The following MAS1 variants were observed in gnomAD, a reference collection of about 807,000 sequenced individuals.
The protein encoded by MAS1 is MAS1 proto-oncogene, G protein-coupled receptor, also known as proto-oncogene Mas.
For synonymous variants in MAS1, 163 were observed against 164.2 expected (o/e 0.99, Z 0.05); for missense variants, 387 against 409.7 (o/e 0.94, Z 0.48).
chr6:159,909,675 C>T lies in MAS1; in HGVS notation c.*1742C>T, dbSNP rs1318577423. 6.6e-6 allele frequency: 1 copy of T among 152,194 alleles called. No homozygotes were observed. The highest frequency in any genetic ancestry group is 2.4e-5 in the African/African-American group (1 of 41,440). 9.4% of individuals were successfully genotyped at this position (152,194 alleles called of 1,614,324 possible). On this transcript the variant is annotated 3_prime_UTR_variant, in exon 3 of 3. Coordinates refer to ENST00000674077, the MANE Select transcript of MAS1 (RefSeq NM_002377.4). ...AGAGCAACTCCCCTCTGTTTCCTGT[C>T]CTCTCCTGTGTGTGCTGTGTGCTGG... is the stretch of plus-strand genomic sequence containing the variant.
chr6:159,895,927 A>T (rs1274926147), intron 1 of MAS1, among the ~76,000 whole-genome samples: 1 of 152,246 alleles, frequency 6.6e-6, no homozygotes, highest in Admixed American at 6.5e-5. Flanking sequence ...TTGCATCCAT[A>T]TGAATTCATT....
Position 159,917,372 on chromosome 6 carries a change from A to G in MAS1, c.*9439A>G, listed in dbSNP as rs767162140. On this transcript the variant is annotated 3_prime_UTR_variant, in exon 3 of 3. Coordinates refer to ENST00000674077, the MANE Select transcript of MAS1 (RefSeq NM_002377.4). Reference sequence around the variant, plus strand: ...AGGGACCATTTTGTTCACTTGTATCAAACTATATTCTCTGGATTCAGAGGG... The same window carrying G: ...AGGGACCATTTTGTTCACTTGTATCGAACTATATTCTCTGGATTCAGAGGG... Among the ~76,000 whole-genome samples the G allele has an allele frequency of 1.7e-4, 26 of 152,238 alleles. No homozygotes were observed. The highest frequency in any genetic ancestry group is 3.8e-4 in the Non-Finnish European group (26 of 68,048).
rs1241840715 is a variant in MAS1, at chr6:159,908,217, G to A, written c.*284G>A. On this transcript the variant is annotated 3_prime_UTR_variant, in exon 3 of 3. Transcript: ENST00000674077. ...TGCAGGAAGATTTACAGATGTGTAC[G>A]GGACAAGGTAACAAAACTATTTGTT... is the stretch of plus-strand genomic sequence containing the variant. 1.6e-5 allele frequency: 4 copies of A among 248,356 alleles called. No individual in the cohort carries two copies. Among genetic ancestry groups the A allele is most frequent in the Admixed American group, 5.4e-5 (1 of 18,352 alleles). The allele number at this position is 248,356 out of a possible 1,614,324, so 15.4% of individuals were successfully genotyped here.
intron 2 of MAS1, among the ~76,000 whole-genome samples, chr6:159,902,667 C>T (rs1782836009): frequency 6.6e-6 from 1 of 152,132 alleles, no homozygotes; most frequent in South Asian, 2.1e-4. Context: ...GTCACCCCTA[C>T]CTTTTGTGTA....
At position 159,907,716 on chromosome 6, in the gene MAS1, ATT is replaced by A. The variant is rs1239962790; in HGVS notation, c.762_763del (p.Tyr254Ter). ...CTCCTTTACCTGCTGTACTATGAGT[ATT>A]GGTCGACCTTTGGGAACCTACACCA... On this transcript the variant is annotated stop_gained and frameshift_variant, in exon 3 of 3. Transcript: ENST00000674077. LOFTEE classifies it low-confidence loss of function (END_TRUNC). 6.2e-7 allele frequency: 1 copy of A among 1,613,442 alleles called. No homozygotes were observed. The highest frequency in any genetic ancestry group is 8.5e-7 in the Non-Finnish European group (1 of 1,179,828).
intron 2 of MAS1, among the ~76,000 whole-genome samples, chr6:159,903,168 A>C (rs538985928): frequency 3.5e-4 from 53 of 152,044 alleles, no homozygotes; most frequent in African/African-American, 1.3e-3. Flanking sequence ...TCCGATATGT[A>C]GCTCCTATTT....
chr6:159,910,921 A>G lies in MAS1; in HGVS notation c.*2988A>G, dbSNP rs912662524. ...AAATCTGATGGGCTGTTTTCTACCT[A>G]TGCCTTTTGTGGCATTTAATACCCA... On this transcript the variant is annotated 3_prime_UTR_variant, in exon 3 of 3. Transcript: ENST00000674077. 3 of 152,164 alleles carry G rather than the reference A, an allele frequency of 2.0e-5. No individual in the cohort carries two copies. Among genetic ancestry groups the G allele is most frequent in the African/African-American group, 7.2e-5 (3 of 41,446 alleles). The allele number at this position is 152,164 out of a possible 1,614,324, so 9.4% of individuals were successfully genotyped here. A position where few individuals can be genotyped will look rare whatever the true frequency, so the allele number is the denominator to read the frequency against.
At position 159,909,960 on chromosome 6, in the gene MAS1, T is replaced by G. The variant is rs1433250269; in HGVS notation, c.*2027T>G. On this transcript the variant is annotated 3_prime_UTR_variant, in exon 3 of 3. Transcript: ENST00000674077. ...GGTAGGATTCAGAGTTTGGCAGGGTTATAAAGACTAATTTCTTTCTGTCTT... is the reference window on the plus strand; with the variant it reads ...GGTAGGATTCAGAGTTTGGCAGGGTGATAAAGACTAATTTCTTTCTGTCTT... 6.6e-6 allele frequency: 1 copy of G among 152,214 alleles called. No individual in the cohort carries two copies. The highest frequency in any genetic ancestry group is 2.4e-5 in the African/African-American group (1 of 41,458). 9.4% of individuals were successfully genotyped at this position (152,214 alleles called of 1,614,324 possible).
rs149736346 is a variant in MAS1, at chr6:159,907,859, G to A, written c.904G>A (p.Ala302Thr). 2 of 1,611,394 alleles carry A rather than the reference G, an allele frequency of 1.2e-6. No individual in the cohort carries two copies. The highest frequency in any genetic ancestry group is 1.7e-5 in the Admixed American group (1 of 59,540). ...GTCCTTAAAAGTTGTTCTGACCAGG[G>A]CTTTCAAAGATGAAATGCAACCTCG... ...KESLKVVLTRAFKDEMQPRRQ... is the reference protein window; with the variant it reads ...KESLKVVLTRTFKDEMQPRRQ... Residue 302 changes from alanine to threonine, a missense_variant, in exon 3 of 3, where the codon GCT becomes ACT. Ala to Thr is a moderately conservative substitution (Grantham distance 58). Coordinates refer to ENST00000674077, the MANE Select transcript of MAS1 (RefSeq NM_002377.4).
intron 2 of MAS1, among the ~76,000 whole-genome samples, chr6:159,899,773 C>T (rs1782801700): frequency 1.3e-5 from 2 of 151,632 alleles, no homozygotes; most frequent in African/African-American, 4.8e-5. Context: ...TGAGGCCGGG[C>T]GCGGTAGCTC....
chr6:159,893,251 G>A (rs1782720463), intron 1 of MAS1, among the ~76,000 whole-genome samples: 1 of 152,236 alleles, frequency 6.6e-6, no homozygotes. Context: ...GGGCAGCCAC[G>A]CCGGGGTGAG....
chr6:159,913,398 T>G lies in MAS1; in HGVS notation c.*5465T>G, dbSNP rs1173108330. 3 of 151,932 alleles carry G rather than the reference T, an allele frequency of 2.0e-5. No individual in the cohort carries two copies. Among genetic ancestry groups the G allele is most frequent in the Admixed American group, 6.6e-5 (1 of 15,248 alleles). 9.4% of individuals were successfully genotyped at this position (151,932 alleles called of 1,614,324 possible). A position where few individuals can be genotyped will look rare whatever the true frequency, so the allele number is the denominator to read the frequency against. On this transcript the variant is annotated 3_prime_UTR_variant, in exon 3 of 3. Transcript: ENST00000674077. ...AAAATTATGCCAAAAAATTAAGTAC[T>G]TTTGTGGCTTAAAAGAACAATGTAT... is the stretch of plus-strand genomic sequence containing the variant.
Position 159,907,471 on chromosome 6 carries a change from C to T in MAS1, c.516C>T (p.Ile172=), listed in dbSNP as rs201944237. The part of the protein sequence containing the change: ...LVTTMEYVMC[I]DREEESHSRN... The stretch of plus-strand genomic sequence containing the variant: ...CCACCATGGAGTATGTCATGTGCAT[C>T]GACAGAGAAGAAGAGAGTCACTCTC... Residue 172 remains isoleucine, a synonymous_variant, in exon 3 of 3, where the codon ATC becomes ATT. Coordinates refer to ENST00000674077, the MANE Select transcript of MAS1 (RefSeq NM_002377.4). 4.1e-5 allele frequency: 66 copies of T among 1,613,786 alleles called. No individual in the cohort carries two copies. Among genetic ancestry groups the T allele is most frequent in the Admixed American group, 1.0e-4 (6 of 59,980 alleles).
At chr6:159,906,604 G>A (rs758941751) in intron 2 of MAS1, 206 of 205,738 alleles carry the variant, frequency 1.0e-3, no homozygotes, top group Non-Finnish European at 9.2e-4. Context: ...TCCCGCACAG[G>A]GCACTCGGCC....
In MAS1 at chr6:159,913,448, T is replaced by C. The variant is rs1348030645; in HGVS notation, c.*5515T>C. 2.0e-5 allele frequency: 3 copies of C among 152,176 alleles called. No homozygotes were observed. Among genetic ancestry groups the C allele is most frequent in the African/African-American group, 7.2e-5 (3 of 41,434 alleles). The allele number at this position is 152,176 out of a possible 1,614,324, so 9.4% of individuals were successfully genotyped here. The stretch of plus-strand genomic sequence containing the variant: ...TTGTCATTTCTCAAGGCTCCATGGG[T>C]TGATTGAGTTCAGTTTCTCATTTGG... On this transcript the variant is annotated 3_prime_UTR_variant, in exon 3 of 3. Transcript: ENST00000674077.
At chr6:159,898,711 C>T (rs1782790388) in intron 1 of MAS1, among the ~76,000 whole-genome samples, 1 of 148,714 alleles carries the variant, frequency 6.7e-6, no homozygotes, top group Admixed American at 6.7e-5. Context: ...CATCCTCCTC[C>T]CTCTTCCTCC....
chr6:159,890,377 C>T (rs1230673155), upstream of MAS1, among the ~76,000 whole-genome samples: 5 of 152,164 alleles, frequency 3.3e-5, no homozygotes, highest in South Asian at 6.2e-4. Context: ...GAGGAGCCCC[C>T]GGACCAGGCT....
At position 159,909,306 on chromosome 6, in the gene MAS1, C is replaced by T. The variant is rs887573741; in HGVS notation, c.*1373C>T. The T allele has an allele frequency of 3.3e-5, 5 of 152,102 alleles. No homozygotes were observed. The highest frequency in any genetic ancestry group is 7.4e-5 in the Non-Finnish European group (5 of 68,006). The allele number at this position is 152,102 out of a possible 1,614,324, so 9.4% of individuals were successfully genotyped here. A position where few individuals can be genotyped will look rare whatever the true frequency, so the allele number is the denominator to read the frequency against. ...ATGTTCAAGTCCATAGAAATGAGCCCGATAGTATTTATTTTAACCATTTGC... is the reference window on the plus strand; with the variant it reads ...ATGTTCAAGTCCATAGAAATGAGCCTGATAGTATTTATTTTAACCATTTGC... On this transcript the variant is annotated 3_prime_UTR_variant, in exon 3 of 3. Transcript: ENST00000674077.
chr6:159,899,929 T>C (rs112786620), intron 2 of MAS1, among the ~76,000 whole-genome samples: 3,355 of 151,214 alleles, frequency 0.022, 116 homozygotes, highest in African/African-American at 0.076. Context: ...GCCTGTATTC[T>C]CATCTACTCG....
Sources: gnomAD v4.1 joint callset for allele counts (sites outside exome capture counted in the v4.1 genomes callset) on GRCh38, gnomAD v4.1.1 for gene constraint, MANE v1.5 for transcripts, NCBI Gene and HGNC (gene_info 2026-07-23, HGNC 2026-07-21) for gene names.